Variants in SGMS1 observed in about 807,000 individuals in gnomAD.
SGMS1 encodes the protein sphingomyelin synthase 1, also known as phosphatidylcholine:ceramide cholinephosphotransferase 1.
A neutral mutation model predicts 46.2 loss-of-function variants in SGMS1; 13 were observed. That is an observed-to-expected ratio of 0.28 (90% CI 0.18 to 0.45). The LOEUF (loss-of-function observed/expected upper bound fraction) is 0.45, where lower values mean the gene tolerates loss of function less well. Among genes scored for constraint, SGMS1 ranks in the 20% least tolerant of loss-of-function variants. The pLI is 1.00. For missense variants in SGMS1, 324 were observed against 519.9 expected (o/e 0.62, Z 3.66); for synonymous variants, 203 against 187.8 (o/e 1.08, Z -0.66).
intron 6 of SGMS1, among the ~76,000 whole-genome samples, chr10:50,428,961 G>C (rs1165845734): frequency 6.6e-6 from 1 of 152,010 alleles, no homozygotes; most frequent in Non-Finnish European, 1.5e-5. Flanking sequence ...CCTAAAGTTG[G>C]GTAAAATAAT....
At chr10:50,335,689 G>C (rs947756426) in intron 7 of SGMS1, 12 of 152,306 alleles carry the variant, frequency 7.9e-5, no homozygotes, top group African/African-American at 2.9e-4. Context: ...TTGTTGAGAG[G>C]AGGGAAATAG....
At position 50,365,255 on chromosome 10, in the gene SGMS1, CAAAAAAA is replaced by C. The variant is rs67951872; in HGVS notation, c.-231-20917_-231-20911del. Among the ~76,000 whole-genome samples the C allele has an allele frequency of 2.9e-4, 13 of 45,026 alleles. 1 individual carries two copies. The highest frequency in any genetic ancestry group is 2.7e-3 in the Admixed American group (8 of 2,986). The allele number at this position is 45,026 out of a possible 152,430, so 29.5% of individuals were successfully genotyped here. Reference sequence around the variant, plus strand: ...GCGACGGAGTGAGACTCCATCTCACCAAAAAAAAAAAAAAAAAAAAAAAGCAACTAAT... The same window carrying C: ...GCGACGGAGTGAGACTCCATCTCACCAAAAAAAAAAAAAAAAGCAACTAAT... On this transcript the variant is annotated intron_variant, in intron 6 of 10. Coordinates refer to ENST00000361781, the MANE Select transcript of SGMS1 (RefSeq NM_147156.4).
chr10:50,416,837 TAAA>T (rs36028635), intron 6 of SGMS1, among the ~76,000 whole-genome samples: 20,970 of 117,194 alleles, frequency 0.18, 1,711 homozygotes, highest in Admixed American at 0.25. Flanking sequence ...TTTATAGAAC[TAAA>T]AAAAAAAAAA....
intron 1 of SGMS1, among the ~76,000 whole-genome samples, chr10:50,604,103 C>T (rs1838672836): frequency 1.3e-5 from 2 of 152,124 alleles, no homozygotes; most frequent in African/African-American, 2.4e-5. Flanking sequence ...CGGCACTGTA[C>T]ACTTTGCTTT....
chr10:50,415,639 G>A (rs1589430818), intron 6 of SGMS1, among the ~76,000 whole-genome samples: 1 of 152,066 alleles, frequency 6.6e-6, no homozygotes, highest in African/African-American at 2.4e-5. Flanking sequence ...CATGGTCTTC[G>A]ATGAAGGTGG....
chr10:50,422,232 TC>T (rs1849265776), intron 6 of SGMS1, among the ~76,000 whole-genome samples: 1 of 152,114 alleles, frequency 6.6e-6, no homozygotes, highest in Non-Finnish European at 1.5e-5. Context: ...AGCATCTGTA[TC>T]CCCCAGGGCC....
intron 6 of SGMS1, among the ~76,000 whole-genome samples, chr10:50,372,007 G>C (rs1848442141): frequency 6.6e-6 from 1 of 152,094 alleles, no homozygotes; most frequent in South Asian, 2.1e-4. Context: ...GTGAACTCTG[G>C]GGAACACATT....
intron 6 of SGMS1, among the ~76,000 whole-genome samples, chr10:50,411,076 G>C (rs545680366): frequency 6.6e-6 from 1 of 152,268 alleles, no homozygotes; most frequent in African/African-American, 2.4e-5. Context: ...ACTATTACCT[G>C]AGGGCCCTCA....
chr10:50,408,445 A>AAT (rs1554935194), intron 6 of SGMS1, among the ~76,000 whole-genome samples: 2 of 146,874 alleles, frequency 1.4e-5, no homozygotes, highest in Non-Finnish European at 3.0e-5. Flanking sequence ...AAAAAAAAAA[A>AAT]AAAAAAAAAA....
At chr10:50,331,332 T>C (rs147887851) in intron 7 of SGMS1, among the ~76,000 whole-genome samples, 44 of 152,260 alleles carry the variant, frequency 2.9e-4, no homozygotes, top group Non-Finnish European at 3.2e-4. Flanking sequence ...AGCTGAAATA[T>C]AAACAAAACA....
intron 6 of SGMS1, among the ~76,000 whole-genome samples, chr10:50,346,374 C>T (rs561487993): frequency 6.6e-6 from 1 of 152,216 alleles, no homozygotes; most frequent in East Asian, 1.9e-4. Context: ...ACTCTACCTA[C>T]CAGGGGGCTA....
chr10:50,350,865 G>A (rs112930549), intron 6 of SGMS1, among the ~76,000 whole-genome samples: 15,328 of 152,270 alleles, frequency 0.1, 849 homozygotes, highest in Middle Eastern at 0.16. Flanking sequence ...GCAGAAGGGA[G>A]ATGTGGGGTC....
intron 2 of SGMS1, among the ~76,000 whole-genome samples, chr10:50,525,595 G>T (rs1398798456): frequency 6.6e-6 from 1 of 152,118 alleles, no homozygotes; most frequent in African/African-American, 2.4e-5. Context: ...TACACTTCTT[G>T]GGAAAATTGA....
At chr10:50,477,588 C>CCCCATATCA (rs1837438809) in intron 3 of SGMS1, among the ~76,000 whole-genome samples, 3 of 152,104 alleles carry the variant, frequency 2.0e-5, no homozygotes, top group Admixed American at 2.0e-4. Context: ...GAATGATATG[C>CCCCATATCA]TTTGGCTATG....
intron 8 of SGMS1, among the ~76,000 whole-genome samples, chr10:50,321,577 GA>G (rs900087897): frequency 4.7e-4 from 71 of 152,250 alleles, no homozygotes; most frequent in African/African-American, 1.6e-3. Flanking sequence ...AAACGAAAAG[GA>G]AAATTTTAAT....
Position 50,433,496 on chromosome 10 carries a change from G to A in SGMS1, c.-252C>T, listed in dbSNP as rs1564912291. 6.6e-6 allele frequency: 1 copy of A among 152,252 alleles called. No individual in the cohort carries two copies. The highest frequency in any genetic ancestry group is 1.5e-5 in the Non-Finnish European group (1 of 68,010). 9.4% of individuals were successfully genotyped at this position (152,252 alleles called of 1,614,324 possible). A position where few individuals can be genotyped will look rare whatever the true frequency, so the allele number is the denominator to read the frequency against. The stretch of plus-strand genomic sequence containing the variant: ...CTTACGGATTATTTAAAAACATTCT[G>A]GTCATCTTGGCTTCCTATAAGCTAC... On this transcript the variant is annotated 5_prime_UTR_variant, in exon 6 of 11. Coordinates refer to ENST00000361781, the MANE Select transcript of SGMS1 (RefSeq NM_147156.4).
intron 6 of SGMS1, among the ~76,000 whole-genome samples, chr10:50,402,652 AT>A (rs1478596962): frequency 6.6e-6 from 1 of 151,914 alleles, no homozygotes; most frequent in East Asian, 1.9e-4. Flanking sequence ...CTAGTCAACT[AT>A]TTTTCTAGGA....
intron 2 of SGMS1, among the ~76,000 whole-genome samples, chr10:50,542,540 A>G (rs887810041): frequency 2.6e-5 from 4 of 151,756 alleles, no homozygotes; most frequent in Non-Finnish European, 5.9e-5. Flanking sequence ...AGAATTTATG[A>G]ATAACATAAG....
chr10:50,613,242 G>A (rs879261951), intron 1 of SGMS1, among the ~76,000 whole-genome samples: 3 of 152,224 alleles, frequency 2.0e-5, no homozygotes, highest in Non-Finnish European at 4.4e-5. Flanking sequence ...CAGGGAAACT[G>A]GGCAGGTGAC....
Sources: allele counts gnomAD v4.1 joint callset (sites outside exome capture counted in the v4.1 genomes callset), GRCh38; gene constraint gnomAD v4.1.1; transcripts MANE v1.5; gene names NCBI Gene and HGNC (gene_info 2026-07-23, HGNC 2026-07-21).